UGT2A1: variants seen among roughly 807,000 people sequenced by gnomAD.
UGT2A1 encodes UDP glucuronosyltransferase family 2 member A1 complex locus.
In UGT2A1, 61 loss-of-function variants were observed where a neutral mutation model predicts 45.4. That is an observed-to-expected ratio of 1.34 (90% confidence interval 1.09 to 1.66). UGT2A1 has a LOEUF of 1.66. Ranked by LOEUF, UGT2A1 falls within the 40% of genes most tolerant of loss-of-function variation. UGT2A1 has a pLI of 0.00. For missense variants in UGT2A1, 649 were observed against 574.3 expected, an observed-to-expected ratio of 1.13 and a Z score of -1.33; for synonymous variants, 229 against 196.2, an observed-to-expected ratio of 1.17 and a Z score of -1.40.
chr4:69,637,389 G>GA (rs1297760843), intron 2 of UGT2A1, among the ~76,000 whole-genome samples: 5 of 152,080 alleles, frequency 3.3e-5, no homozygotes, highest in African/African-American at 1.2e-4. Flanking sequence ...ATCAAGAGAA[G>GA]AAAAAAGATA....
chr4:69,648,904 T>C (rs952136548), intron 1 of UGT2A1, among the ~76,000 whole-genome samples: 2 of 152,034 alleles, frequency 1.3e-5, no homozygotes, highest in African/African-American at 4.8e-5. Flanking sequence ...ACCACTGGGA[T>C]AGATTGCCAC....
chr4:69,597,413 A>C (rs995009392), intron 4 of UGT2A1, among the ~76,000 whole-genome samples: 1 of 152,176 alleles, frequency 6.6e-6, no homozygotes, highest in African/African-American at 2.4e-5. Flanking sequence ...GTAATTACTT[A>C]TAGTTTTGCA....
At chr4:69,590,159 T>A (rs550530736) in intron 6 of UGT2A1, among the ~76,000 whole-genome samples, 11 of 152,224 alleles carry the variant, frequency 7.2e-5, no homozygotes, top group Non-Finnish European at 1.3e-4. Context: ...CATCTGTATG[T>A]TTGTGACGAA....
At chr4:69,599,488 A>T (rs1381476815) in intron 3 of UGT2A1, 94 bp from the exon 4 acceptor site, 12 of 1,552,400 alleles carry the variant, frequency 7.7e-6, no homozygotes, top group Admixed American at 6.5e-5. Flanking sequence ...ATAAGCTGTT[A>T]AGAAAAAACT....
chr4:69,611,610 G>T (rs11728546), intron 3 of UGT2A1, among the ~76,000 whole-genome samples: 59,963 of 151,772 alleles, frequency 0.4, 12,179 homozygotes, highest in African/African-American at 0.48. Flanking sequence ...TTGAGAAAAC[G>T]AAGGTCTAAC....
intron 3 of UGT2A1, among the ~76,000 whole-genome samples, chr4:69,609,155 A>ATTT (rs10627999): frequency 0.39 from 55,273 of 141,980 alleles, 11,141 homozygotes; most frequent in Middle Eastern, 0.47. Context: ...AATATATAAG[A>ATTT]TTTTTTTTTT....
chr4:69,627,998 CT>C (rs1322609232), intron 3 of UGT2A1, among the ~76,000 whole-genome samples: 1 of 151,878 alleles, frequency 6.6e-6, no homozygotes, highest in Non-Finnish European at 1.5e-5. Flanking sequence ...GTCTCTTTTG[CT>C]GGCCAGAAGC....
At chr4:69,624,920 A>G (rs1235159874) in intron 3 of UGT2A1, among the ~76,000 whole-genome samples, 2 of 151,330 alleles carry the variant, frequency 1.3e-5, no homozygotes, top group Admixed American at 6.6e-5. Context: ...AATTTTTACT[A>G]GAGATCATTT....
chr4:69,629,088 T>C (rs1038788462), intron 3 of UGT2A1, among the ~76,000 whole-genome samples: 2 of 151,940 alleles, frequency 1.3e-5, no homozygotes, highest in Non-Finnish European at 1.5e-5. Context: ...CATAGCTTTT[T>C]TCAAACATTG....
At chr4:69,598,468 T>A (rs1719065108) in intron 4 of UGT2A1, among the ~76,000 whole-genome samples, 1 of 152,112 alleles carries the variant, frequency 6.6e-6, no homozygotes, top group African/African-American at 2.4e-5. Flanking sequence ...TATTGTAGCA[T>A]ACAATTTCCT....
chr4:69,593,861 A>G (rs28726183), intron 6 of UGT2A1, among the ~76,000 whole-genome samples: 30,851 of 151,650 alleles, frequency 0.2, 3,237 homozygotes, highest in Middle Eastern at 0.31. Context: ...ATATGTACAT[A>G]CTTACTAATT....
At chr4:69,652,899 A>G (rs921926977) in intron 1 of UGT2A1, among the ~76,000 whole-genome samples, 8 of 152,174 alleles carry the variant, frequency 5.3e-5, no homozygotes, top group Non-Finnish European at 1.0e-4. Context: ...AAGGCATGAG[A>G]AGAATCCCTA....
chr4:69,632,787 C>T (rs1577993578), intron 3 of UGT2A1, among the ~76,000 whole-genome samples: 1 of 151,054 alleles, frequency 6.6e-6, no homozygotes, highest in Non-Finnish European at 1.5e-5. Context: ...ACTCTGGACG[C>T]AGAGGCAGGA....
Position 69,591,902 on chromosome 4 carries a change from G to T in UGT2A1, c.1305-2251C>A, listed in dbSNP as rs529432188. Among the ~76,000 whole-genome samples the T allele has an allele frequency of 4.0e-4, 61 of 152,250 alleles. 2 individuals carry two copies. The Middle Eastern group carries it at 0.017, about 42-fold the overall frequency. The stretch of plus-strand genomic sequence containing the variant: ...TCAAAAAAAGATCATACTGAGCCTT[G>T]CTGAAGCTCCTAACCCACCACTTAG... On this transcript the variant is annotated intron_variant, in intron 6 of 6. Transcript: ENST00000286604.
At position 69,647,030 on chromosome 4, in the gene UGT2A1, A is replaced by G. The variant is rs758492926; in HGVS notation, c.615T>C (p.Ser205=). The change falls in exon 2 of 7, where the codon TCT becomes TCC. Residue 205 remains serine (S), a synonymous_variant. Coordinates refer to ENST00000286604, the MANE Select transcript of UGT2A1 (RefSeq NM_001252275.3). ...AVLSELTDQM[S]FTDRIRNFIS... ...TGAAATTTCTTATTCTGTCAGTGAA[A>G]GACATTTGGTCGGTGAGTTCTGATA... 6.2e-7 allele frequency: 1 copy of G among 1,612,870 alleles called. No homozygotes were observed. Among genetic ancestry groups the G allele is most frequent in the South Asian group, 1.1e-5 (1 of 91,004 alleles).
At chr4:69,631,618 A>G (rs1721390917) in intron 3 of UGT2A1, among the ~76,000 whole-genome samples, 1 of 152,192 alleles carries the variant, frequency 6.6e-6, no homozygotes, top group Admixed American at 6.5e-5. Context: ...ATGTAGTCAG[A>G]TATTTGTGTA....
chr4:69,616,169 A>C (rs1248702643), intron 3 of UGT2A1, among the ~76,000 whole-genome samples: 1 of 151,934 alleles, frequency 6.6e-6, no homozygotes, highest in Admixed American at 6.6e-5. Flanking sequence ...TAAAAACAAT[A>C]ATTAACGAAT....
chr4:69,612,902 C>A (rs1720149985), intron 3 of UGT2A1, among the ~76,000 whole-genome samples: 1 of 82,006 alleles, frequency 1.2e-5, no homozygotes, highest in Non-Finnish European at 2.5e-5. Flanking sequence ...TAAAGAACCT[C>A]TGCAGAAAAA....
intron 3 of UGT2A1, among the ~76,000 whole-genome samples, chr4:69,617,408 GATATA>G (rs930454206): frequency 8.6e-5 from 13 of 151,774 alleles, no homozygotes; most frequent in African/African-American, 2.7e-4. Flanking sequence ...TTTATACAAA[GATATA>G]ATATATATGT....
Sources: gnomAD v4.1 joint callset for allele counts (sites outside exome capture counted in the v4.1 genomes callset) on GRCh38, gnomAD v4.1.1 for gene constraint, MANE v1.5 for transcripts, NCBI Gene and HGNC (gene_info 2026-07-23, HGNC 2026-07-21) for gene names.